The following PCA3 variants were observed in gnomAD, a reference collection of about 807,000 sequenced individuals.
PCA3 encodes the protein prostate cancer associated 3, also known as Differential Display code 3.
chr9:76,774,459 T>TATTTATTTATTTA (rs759627070), intron 2 of PCA3, among the ~76,000 whole-genome samples: 3 of 139,036 alleles, frequency 2.2e-5, no homozygotes, highest in African/African-American at 7.9e-5. Context: ...CCTTTTTTTT[T>TATTTATTTATTTA]TTTTTTTTTT....
At chr9:76,778,094 T>C in intron 2 of PCA3, among the ~76,000 whole-genome samples, 1 of 152,170 alleles carries the variant, frequency 6.6e-6, no homozygotes, top group Non-Finnish European at 1.5e-5. Flanking sequence ...AAGGAGCTTT[T>C]AAAAAATACC....
chr9:76,774,450 C>CTTTTTTTATTTTTTTTTTTATT (rs1564272256), intron 2 of PCA3, among the ~76,000 whole-genome samples: 1 of 41,400 alleles, frequency 2.4e-5, no homozygotes, highest in Non-Finnish European at 3.9e-5. Context: ...CAGTTCAACC[C>CTTTTTTTATTTTTTTTTTTATT]TTTTTTTTTT....
Position 76,786,395 on chromosome 9 carries a change from C to T in PCA3, n.853-22188C>T, listed in dbSNP as rs184977280. The T allele has an allele frequency of 6.2e-3, 953 of 152,514 alleles. 5 individuals are homozygous for T. The highest frequency in any genetic ancestry group is 0.017 in the Middle Eastern group (5 of 294). The allele number at this position is 152,514 out of a possible 1,614,324, so 9.4% of individuals were successfully genotyped here. A position where few individuals can be genotyped will look rare whatever the true frequency, so the allele number is the denominator to read the frequency against. On this transcript the variant is annotated intron_variant and non_coding_transcript_variant, in intron 2 of 5. Coordinates refer to ENST00000644657, the Ensembl canonical transcript of PCA3. ...AAAGAACTCTGAGCTGTCATCGTCC[C>T]CATCTCTGTGAGCCACAACCAACAG... is the stretch of plus-strand genomic sequence containing the variant.
chr9:76,787,282 C>A (rs1434154988), intron 2 of PCA3: 1 of 145,862 alleles, frequency 6.9e-6, no homozygotes, highest in Non-Finnish European at 1.5e-5. Flanking sequence ...TTATTATTTT[C>A]TTTTACTACT....
At chr9:76,768,636 G>A (rs569022267) in intron 2 of PCA3, among the ~76,000 whole-genome samples, 1 of 148,226 alleles carries the variant, frequency 6.7e-6, no homozygotes, top group East Asian at 2.0e-4. Context: ...TATCCCTGCT[G>A]ACTAGATCAT....
intron 2 of PCA3, among the ~76,000 whole-genome samples, chr9:76,780,608 G>C (rs1022225961): frequency 6.6e-6 from 1 of 152,034 alleles, no homozygotes; most frequent in Non-Finnish European, 1.5e-5. Context: ...GGAGAATGGC[G>C]TGAACCCAGG....
intron 2 of PCA3, among the ~76,000 whole-genome samples, chr9:76,773,465 CAG>C (rs1169091400): frequency 5.8e-5 from 7 of 120,560 alleles, no homozygotes; most frequent in African/African-American, 1.9e-4. Flanking sequence ...TTTTTTGAGA[CAG>C]AGTCTCGCTC....
At chr9:76,783,364 T>C (rs7873346) in intron 2 of PCA3, among the ~76,000 whole-genome samples, 4,126 of 152,184 alleles carry the variant, frequency 0.027, 180 homozygotes, top group African/African-American at 0.094. Context: ...CTTGAACTCC[T>C]GACCTCAGGT....
chr9:76,787,303 G>T (rs989262761), intron 2 of PCA3: 17 of 150,390 alleles, frequency 1.1e-4, no homozygotes, highest in African/African-American at 3.7e-4. Context: ...ATATTACGTT[G>T]TTATTATTTT....
intron 2 of PCA3, among the ~76,000 whole-genome samples, chr9:76,774,116 T>G (rs1169097295): frequency 6.6e-6 from 1 of 152,138 alleles, no homozygotes; most frequent in East Asian, 1.9e-4. Context: ...ATAGGTTTGA[T>G]TCTTTTTTAT....
chr9:76,769,492 G>A lies in PCA3; in HGVS notation n.852+32877G>A, dbSNP rs933475169. ...GGCTGGAGTGCAATGGCACAATCTC[G>A]GCTCGTCGTCGCAACCTCCGCCCCC... On this transcript the variant is annotated intron_variant and non_coding_transcript_variant, in intron 2 of 5. Transcript: ENST00000644657. Among the ~76,000 whole-genome samples, 9 of 115,474 alleles carry A rather than the reference G, an allele frequency of 7.8e-5. No individual in the cohort carries two copies. In the South Asian group the frequency reaches 9.5e-4, roughly 12 times the overall value. 75.8% of individuals were successfully genotyped at this position (115,474 alleles called of 152,430 possible).
At chr9:76,770,916 A>C (rs2053027504) in intron 2 of PCA3, among the ~76,000 whole-genome samples, 1 of 152,168 alleles carries the variant, frequency 6.6e-6, no homozygotes, top group Admixed American at 6.5e-5. Context: ...CCAAAAATTA[A>C]ATTTCAAAAA....
chr9:76,771,554 TGG>T (rs1338318569), intron 2 of PCA3, among the ~76,000 whole-genome samples: 1 of 151,650 alleles, frequency 6.6e-6, no homozygotes, highest in East Asian at 1.9e-4. Flanking sequence ...ATTGCTGGAG[TGG>T]TAGGGTAATA....
chr9:76,772,122 G>A (rs979927053), intron 2 of PCA3, among the ~76,000 whole-genome samples: 9 of 152,088 alleles, frequency 5.9e-5, no homozygotes, highest in Non-Finnish European at 1.0e-4. Context: ...CCACCCTTCC[G>A]CCCTTGTAAG....
chr9:76,774,640 G>A (rs2053544514), intron 2 of PCA3, among the ~76,000 whole-genome samples: 1 of 151,582 alleles, frequency 6.6e-6, no homozygotes, highest in African/African-American at 2.4e-5. Context: ...TGTGCTTTTA[G>A]TAGAGATGGG....
At chr9:76,786,538 G>T (rs1321123588) in intron 2 of PCA3, 4 of 152,176 alleles carry the variant, frequency 2.6e-5, no homozygotes, top group Non-Finnish European at 5.9e-5. Context: ...ACACATATTA[G>T]CTTCTAGCCT....
chr9:76,775,151 A>C (rs1231939205), intron 2 of PCA3, among the ~76,000 whole-genome samples: 3 of 152,250 alleles, frequency 2.0e-5, no homozygotes, highest in African/African-American at 7.2e-5. Context: ...GGGGGGAAAG[A>C]AAGGACTTTT....
chr9:76,769,988 G>T (rs768860306), intron 2 of PCA3, among the ~76,000 whole-genome samples: 1 of 152,114 alleles, frequency 6.6e-6, no homozygotes, highest in African/African-American at 2.4e-5. Flanking sequence ...CAAGAGCAGT[G>T]AAGTCCATTT....
chr9:76,769,402 A>C (rs917813346), intron 2 of PCA3, among the ~76,000 whole-genome samples: 3 of 152,304 alleles, frequency 2.0e-5, no homozygotes, highest in Admixed American at 2.0e-4. Flanking sequence ...ATTGATGGAC[A>C]TTAAGGTTGC....
Sources: gnomAD v4.1 joint callset for allele counts (sites outside exome capture counted in the v4.1 genomes callset) on GRCh38, gnomAD v4.1.1 for gene constraint, MANE v1.5 for transcripts, NCBI Gene and HGNC (gene_info 2026-07-23, HGNC 2026-07-21) for gene names.